Variants in TRPV4 observed in about 807,000 individuals in gnomAD.
TRPV4 encodes OSM9-like transient receptor potential channel 4.
Under a neutral mutation model 84.1 loss-of-function variants are expected in TRPV4, and 58 were observed. That is an observed-to-expected ratio of 0.69 (90% confidence interval 0.56 to 0.86). The LOEUF is 0.86. TRPV4 is among the 40% of genes least tolerant of loss of function. The pLI is 0.00. For missense variants in TRPV4, 879 were observed against 1,181.1 expected, an observed-to-expected ratio of 0.74 and a Z score of 3.75; for synonymous variants, 489 against 500.9, an observed-to-expected ratio of 0.98 and a Z score of 0.32.
rs906043872 is a variant in TRPV4, at chr12:109,815,124, C to T, written c.-31-297G>A. Among the ~76,000 whole-genome samples the T allele has an allele frequency of 6.6e-6, 1 of 152,224 alleles. No individual in the cohort carries two copies. On this transcript the variant is annotated intron_variant, in intron 1 of 15. Coordinates refer to ENST00000261740, the MANE Select transcript of TRPV4 (RefSeq NM_021625.5). This position sits in a 1 kb window ranked among gnomAD's most constrained non-coding sequence, Gnocchi z 4.1. ...TCAAGCTGGGACCCCATACTTGGATCCCAGACCCTACTGCTGACCAAGAAA... is the reference window on the plus strand; with the variant it reads ...TCAAGCTGGGACCCCATACTTGGATTCCAGACCCTACTGCTGACCAAGAAA...
At chr12:109,809,032 A>G (rs1202076636) in intron 2 of TRPV4, among the ~76,000 whole-genome samples, 2 of 144,316 alleles carry the variant, frequency 1.4e-5, no homozygotes, top group Non-Finnish European at 3.0e-5. Flanking sequence ...CTACCCATCC[A>G]CCCACCCATC....
At chr12:109,828,451 G>T (rs1892325680) in intron 1 of TRPV4, among the ~76,000 whole-genome samples, 1 of 152,196 alleles carries the variant, frequency 6.6e-6, no homozygotes, top group Non-Finnish European at 1.5e-5. Context: ...CCGGCCACTG[G>T]GGTGCCAGCT....
At chr12:109,816,605 C>T (rs1891857081) in intron 1 of TRPV4, among the ~76,000 whole-genome samples, 1 of 152,128 alleles carries the variant, frequency 6.6e-6, no homozygotes, top group Non-Finnish European at 1.5e-5. Flanking sequence ...TGGCAAAACC[C>T]CGTCTCTATA....
rs143548402 is a variant in TRPV4, at chr12:109,800,711, C to G, written c.760G>C (p.Val254Leu). Residue 254 changes from valine (V) to leucine (L), a missense_variant, in exon 5 of 16, where the codon GTG becomes CTG. Physicochemically the swap from Val to Leu is conservative, Grantham distance 32. Around this residue, in one of 4 missense-constraint regions of TRPV4, gnomAD observed 521 missense variants for 686.6 expected, o/e 0.76. Transcript: ENST00000261740. ...GCTCCCTGGGCCACGAGAAGTTCCA[C>G]GTAGTGTTTGCAGCGACGCTCAATG... The part of the protein sequence containing the change: ...IAIERRCKHY[V>L]ELLVAQGADV... 5.5e-5 allele frequency: 88 copies of G among 1,614,130 alleles called. No individual in the cohort carries two copies. The East Asian group carries it at 1.5e-3, about 28-fold the overall frequency.
intron 3 of TRPV4, among the ~76,000 whole-genome samples, chr12:109,804,091 C>T (rs1241518032): frequency 6.6e-6 from 1 of 152,084 alleles, no homozygotes; most frequent in African/African-American, 2.4e-5. Flanking sequence ...GGGGGTGCAA[C>T]AATAATAACC....
chr12:109,792,520 A>C, intron 11 of TRPV4, 91 bp from the exon 12 acceptor site: 1 of 1,574,160 alleles, frequency 6.4e-7, no homozygotes, highest in Non-Finnish European at 8.7e-7. Flanking sequence ...GTCCCACCCC[A>C]GTGTCCAGAC....
At chr12:109,808,212 G>A in intron 3 of TRPV4, 84 bp downstream of exon 3, 2 of 1,504,124 alleles carry the variant, frequency 1.3e-6, no homozygotes, top group East Asian at 4.7e-5. Context: ...AAAGAAAGAA[G>A]CTGAGGGGAA....
intron 1 of TRPV4, among the ~76,000 whole-genome samples, chr12:109,831,634 G>T (rs919593864): frequency 3.9e-5 from 6 of 152,214 alleles, no homozygotes; most frequent in Admixed American, 2.6e-4. Context: ...ACCAGATAAG[G>T]CAGGAGGAAC....
In TRPV4 at chr12:109,793,838, G is replaced by A; in HGVS notation, c.1584+92C>T. 2 of 1,018,116 alleles carry A rather than the reference G, an allele frequency of 2.0e-6. No individual in the cohort carries two copies. The highest frequency in any genetic ancestry group is 2.5e-5 in the East Asian group (1 of 40,222). 63.1% of individuals were successfully genotyped at this position (1,018,116 alleles called of 1,614,324 possible). A position where few individuals can be genotyped will look rare whatever the true frequency, so the allele number is the denominator to read the frequency against. ...AAGGAAAGGAGAAGGACCATTTGGA[G>A]GAGAGAGAAGAGAAAAAGAGGGAGA... is the stretch of plus-strand genomic sequence containing the variant. On this transcript the variant is annotated intron_variant, in intron 9 of 15. Transcript: ENST00000261740. This position sits in a 1 kb window ranked among gnomAD's most constrained non-coding sequence, Gnocchi z 4.0.
At chr12:109,821,794 A>T (rs934898794) in intron 1 of TRPV4, among the ~76,000 whole-genome samples, 2 of 151,908 alleles carry the variant, frequency 1.3e-5, no homozygotes, top group Admixed American at 1.3e-4. Flanking sequence ...AGCCTCCCAA[A>T]ATGTTGGGAT....
chr12:109,806,069 C>CA (rs1891099326), intron 3 of TRPV4, among the ~76,000 whole-genome samples: 1 of 152,258 alleles, frequency 6.6e-6, no homozygotes. Context: ...CTCATGCCAT[C>CA]ACTGAGCTAC....
chr12:109,825,114 G>T (rs1892217351), intron 1 of TRPV4, among the ~76,000 whole-genome samples: 1 of 152,044 alleles, frequency 6.6e-6, no homozygotes, highest in Non-Finnish European at 1.5e-5. Flanking sequence ...GGCCAAGGTG[G>T]GAGGATCGCT....
At chr12:109,819,703 A>C (rs539785058) in intron 1 of TRPV4, among the ~76,000 whole-genome samples, 1 of 152,312 alleles carries the variant, frequency 6.6e-6, no homozygotes, top group East Asian at 1.9e-4. Context: ...CTGGGATTAC[A>C]GAAACATGCC....
rs1360536629 is a variant in TRPV4, at chr12:109,820,515, TA to T, written c.-31-5689del. Among the ~76,000 whole-genome samples, 537 of 111,452 alleles carry T rather than the reference TA, an allele frequency of 4.8e-3. 28 individuals are homozygous for T. Among genetic ancestry groups the T allele is most frequent in the African/African-American group, 0.015 (424 of 29,082 alleles). 73.1% of individuals were successfully genotyped at this position (111,452 alleles called of 152,430 possible). A position where few individuals can be genotyped will look rare whatever the true frequency, so the allele number is the denominator to read the frequency against. On this transcript the variant is annotated intron_variant, in intron 1 of 15. Coordinates refer to ENST00000261740, the MANE Select transcript of TRPV4 (RefSeq NM_021625.5). ...TGATCTTCACTTTCTTCAGCTGCCC[TA>T]TTTTTTTTTTTTTTTTTTTTTTTTT...
Position 109,783,692 on chromosome 12 carries a change from C to T in TRPV4, c.2545G>A (p.Gly849Arg). 6.2e-7 allele frequency: 1 copy of T among 1,613,790 alleles called. No individual in the cohort carries two copies. The highest frequency in any genetic ancestry group is 1.3e-5 in the African/African-American group (1 of 75,038). The change falls in exon 16 of 16, where the codon GGG (glycine) becomes AGG (arginine). Residue 849 changes from glycine to arginine, a missense_variant. This residue lies in a region of TRPV4 where 242 missense variants were observed against 355.3 expected (regional missense o/e 0.68). Coordinates refer to ENST00000261740, the MANE Select transcript of TRPV4 (RefSeq NM_021625.5). The surrounding 1 kb of genome is among the most constrained non-coding windows in gnomAD (Gnocchi z 4.6). ...TGGTGGCCATCGCAGCGGGGGTTCC[C>T]CATGCTGTCCAGAGGCACCACCACC... is the stretch of plus-strand genomic sequence containing the variant. Reference protein sequence around the residue: ...DEVVVPLDSMGNPRCDGHQQG... With the variant: ...DEVVVPLDSMRNPRCDGHQQG...
rs764577657 is a variant in TRPV4 at position 109,792,343 on chromosome 12, C to T, written c.1891+20G>A. 5.0e-6 allele frequency: 8 copies of T among 1,612,284 alleles called. No homozygotes were observed. Among genetic ancestry groups the T allele is most frequent in the African/African-American group, 1.3e-5 (1 of 74,838 alleles). On this transcript the variant is annotated intron_variant, in intron 12 of 15. Coordinates refer to ENST00000261740, the MANE Select transcript of TRPV4 (RefSeq NM_021625.5). The stretch of plus-strand genomic sequence containing the variant: ...CCTTGCACCACCCCTGCCAGGACCA[C>T]CTGAGCACCCAGAGCTCACCTGAAG...
chr12:109,816,255 C>A (rs933781706), intron 1 of TRPV4, among the ~76,000 whole-genome samples: 1 of 152,214 alleles, frequency 6.6e-6, no homozygotes, highest in Non-Finnish European at 1.5e-5. Flanking sequence ...GGGTGGGCTT[C>A]CCTTTGGACA....
chr12:109,805,008 C>T (rs1215246393), intron 3 of TRPV4, among the ~76,000 whole-genome samples: 1 of 152,210 alleles, frequency 6.6e-6, no homozygotes, highest in Non-Finnish European at 1.5e-5. Flanking sequence ...CAAGTGTTAC[C>T]TCCTCCAGGA....
At position 109,786,731 on chromosome 12, in the gene TRPV4, G is replaced by A. The variant is rs1889708727; in HGVS notation, c.2315C>T (p.Pro772Leu). The change falls in exon 14 of 16, where the codon CCT becomes CTT. Residue 772 changes from proline (P) to leucine (L), a missense_variant. Transcript: ENST00000261740. The surrounding 1 kb of genome is among the most constrained non-coding windows in gnomAD (Gnocchi z 4.5). ...TCACCTGAAGCACCACCTGCGGTCAGGAGTGCCGTCCGAGCTCTTGCCCAC... is the reference window on the plus strand; with the variant it reads ...TCACCTGAAGCACCACCTGCGGTCAAGAGTGCCGTCCGAGCTCTTGCCCAC... ...VTVGKSSDGT[P>L]DRRWCFRVDE... 11 of 1,613,882 alleles carry A rather than the reference G, an allele frequency of 6.8e-6. No individual in the cohort carries two copies. The highest frequency in any genetic ancestry group is 9.3e-6 in the Non-Finnish European group (11 of 1,180,014).
Sources: allele counts gnomAD v4.1 joint callset (sites outside exome capture counted in the v4.1 genomes callset), GRCh38; gene constraint gnomAD v4.1.1; regional missense constraint gnomAD v4.1.1; non-coding constraint Gnocchi (gnomAD v3.1); transcripts MANE v1.5; gene names NCBI Gene and HGNC (gene_info 2026-07-23, HGNC 2026-07-21).